PBX1: variants seen among roughly 807,000 people sequenced by gnomAD.
The protein encoded by PBX1 is pre-B-cell leukemia transcription factor 1.
In PBX1, 6 loss-of-function variants were observed where a neutral mutation model predicts 53.4. The observed-to-expected ratio is 0.11, with a 90% CI of 0.06 to 0.22. The LOEUF is 0.22. Ranked by LOEUF, PBX1 falls within the 10% of genes least tolerant of loss-of-function variation. The pLI is 1.00. For synonymous variants in PBX1, 204 were observed against 212.3 expected, an observed-to-expected ratio of 0.96 and a Z score of 0.34; for missense variants, 251 against 551.4, an observed-to-expected ratio of 0.46 and a Z score of 5.46.
intron 2 of PBX1, among the ~76,000 whole-genome samples, chr1:164,762,155 A>G (rs1000225008): frequency 6.6e-6 from 1 of 152,332 alleles, no homozygotes; most frequent in Non-Finnish European, 1.5e-5. Context: ...TAGAATATAA[A>G]TTGATAGTAT....
At chr1:164,617,741 C>T (rs1330285612) in intron 2 of PBX1, among the ~76,000 whole-genome samples, 1 of 152,122 alleles carries the variant, frequency 6.6e-6, no homozygotes, top group Admixed American at 6.5e-5. Context: ...TTGCTTTGTT[C>T]TGTTATTTTA....
intron 2 of PBX1, among the ~76,000 whole-genome samples, chr1:164,713,907 A>G (rs1663938481): frequency 6.6e-6 from 1 of 152,176 alleles, no homozygotes; most frequent in Admixed American, 6.5e-5. Flanking sequence ...TTAAATATAA[A>G]CAAAAGGATT....
chr1:164,626,556 C>T (rs1393958812), intron 2 of PBX1, among the ~76,000 whole-genome samples: 2 of 152,174 alleles, frequency 1.3e-5, no homozygotes, highest in East Asian at 1.9e-4. Flanking sequence ...GAAGAGTTTA[C>T]ACTTTGGAAA....
At chr1:164,686,242 TC>T (rs1308302995) in intron 2 of PBX1, among the ~76,000 whole-genome samples, 1 of 152,220 alleles carries the variant, frequency 6.6e-6, no homozygotes, top group Non-Finnish European at 1.5e-5. Context: ...ATGAAAGTGT[TC>T]GGTCACCTGG....
At chr1:164,780,834 A>T (rs1667900046) in intron 2 of PBX1, among the ~76,000 whole-genome samples, 1 of 152,102 alleles carries the variant, frequency 6.6e-6, no homozygotes, top group Admixed American at 6.6e-5. Context: ...CACTGTCACA[A>T]CTAGGATTTC....
rs71583414 is a variant in PBX1 at position 164,603,929 on chromosome 1, A to ATTTTTTTTTTTTTTTTTTTTTTTTT, written c.265+40627_265+40651dup. On this transcript the variant is annotated intron_variant, in intron 2 of 8. Coordinates refer to ENST00000420696, the MANE Select transcript of PBX1 (RefSeq NM_002585.4). Reference sequence around the variant, plus strand: ...GACACTCTGTACATTATGTCATTTCATTTTTTTTTTTTTTTTTTTTTTTTT... The same window carrying ATTTTTTTTTTTTTTTTTTTTTTTTT: ...GACACTCTGTACATTATGTCATTTCATTTTTTTTTTTTTTTTTTTTTTTTTTTTTTTTTTTTTTTTTTTTTTTTTT... Among the ~76,000 whole-genome samples, 9 of 75,742 alleles carry ATTTTTTTTTTTTTTTTTTTTTTTTT rather than the reference A, an allele frequency of 1.2e-4. 3 individuals are homozygous for ATTTTTTTTTTTTTTTTTTTTTTTTT. The highest frequency in any genetic ancestry group is 1.8e-4 in the Non-Finnish European group (8 of 44,408). The allele number at this position is 75,742 out of a possible 152,430, so 49.7% of individuals were successfully genotyped here. A position where few individuals can be genotyped will look rare whatever the true frequency, so the allele number is the denominator to read the frequency against.
chr1:164,739,308 C>T (rs1192394407), intron 2 of PBX1, among the ~76,000 whole-genome samples: 3 of 152,302 alleles, frequency 2.0e-5, no homozygotes, highest in South Asian at 2.1e-4. Context: ...AATAATCATG[C>T]GATAAAGCTC....
chr1:164,860,181 C>G (rs1672065546), intron 2 of PBX1, among the ~76,000 whole-genome samples: 1 of 152,286 alleles, frequency 6.6e-6, no homozygotes, highest in South Asian at 2.1e-4. Context: ...AAAACCTTCT[C>G]AAGTCTGGAT....
chr1:164,880,085 G>C (rs1188015223), intron 2 of PBX1, among the ~76,000 whole-genome samples: 1 of 152,150 alleles, frequency 6.6e-6, no homozygotes, highest in Non-Finnish European at 1.5e-5. Context: ...ACATTTACCT[G>C]AAAAGAAGGC....
At chr1:164,828,967 G>C (rs1036842181) in intron 8 of PBX1, 1 of 152,136 alleles carries the variant, frequency 6.6e-6, no homozygotes, top group Non-Finnish European at 1.5e-5. Context: ...ATTTGAGTTT[G>C]AGGAAATTCT....
intron 8 of PBX1, among the ~76,000 whole-genome samples, chr1:164,845,329 G>GA (rs199742253): frequency 0.048 from 7,316 of 152,132 alleles, 207 homozygotes; most frequent in East Asian, 0.072. Flanking sequence ...AATGGGAACG[G>GA]CATACTCCAG....
chr1:164,692,434 T>C (rs1477065393), intron 2 of PBX1, among the ~76,000 whole-genome samples: 1 of 152,140 alleles, frequency 6.6e-6, no homozygotes, highest in Non-Finnish European at 1.5e-5. Context: ...AACTATGATA[T>C]AATGAGGCAG....
intron 2 of PBX1, among the ~76,000 whole-genome samples, chr1:164,600,328 C>T (rs1016457253): frequency 1.3e-5 from 2 of 150,710 alleles, no homozygotes; most frequent in African/African-American, 4.9e-5. Flanking sequence ...CTCGGCTCAC[C>T]GCAACCTCCA....
chr1:164,592,496 C>T (rs1443698815), intron 2 of PBX1, among the ~76,000 whole-genome samples: 1 of 152,152 alleles, frequency 6.6e-6, no homozygotes, highest in East Asian at 1.9e-4. Flanking sequence ...AAGTTGAGGC[C>T]ACAGTTGTGA....
intron 2 of PBX1, among the ~76,000 whole-genome samples, chr1:164,625,294 A>T (rs771932032): frequency 2.4e-4 from 36 of 152,208 alleles, no homozygotes; most frequent in Non-Finnish European, 2.2e-4. Context: ...AGAGACAAAG[A>T]AAGTTAGTGT....
chr1:164,651,311 T>C lies in PBX1; in HGVS notation c.265+88000T>C, dbSNP rs1659800553. 2.0e-5 allele frequency among the ~76,000 whole-genome samples: 3 copies of C among 151,960 alleles called. No individual in the cohort carries two copies. The South Asian group carries it at 6.3e-4, about 32-fold the overall frequency. On this transcript the variant is annotated intron_variant, in intron 2 of 8. Coordinates refer to ENST00000420696, the MANE Select transcript of PBX1 (RefSeq NM_002585.4). ...GGCGGGGGCATTGCAAGCTGTCGGT[T>C]TGCATTGTGCGGACGGGGAAAGGTC...
chr1:164,845,659 G>A (rs562592149), intron 8 of PBX1, among the ~76,000 whole-genome samples: 3 of 152,236 alleles, frequency 2.0e-5, no homozygotes, highest in Non-Finnish European at 4.4e-5. Flanking sequence ...GAAAGGGGTG[G>A]TTACTAAACA....
intron 2 of PBX1, among the ~76,000 whole-genome samples, chr1:164,779,297 A>C (rs1358219622): frequency 6.6e-6 from 1 of 152,068 alleles, no homozygotes; most frequent in African/African-American, 2.4e-5. Context: ...TTTCTGGTCA[A>C]GTTTCCCCAG....
intron 2 of PBX1, among the ~76,000 whole-genome samples, chr1:164,678,300 G>A (rs549784898): frequency 1.5e-4 from 23 of 152,156 alleles, no homozygotes; most frequent in Non-Finnish European, 2.6e-4. Flanking sequence ...CCCAGGAGCC[G>A]CCAGCCCTGT....
Sources: allele counts gnomAD v4.1 joint callset (sites outside exome capture counted in the v4.1 genomes callset), GRCh38; gene constraint gnomAD v4.1.1; transcripts MANE v1.5; gene names NCBI Gene and HGNC (gene_info 2026-07-23, HGNC 2026-07-21).